The following RPS20 variants were observed in gnomAD, a reference collection of about 807,000 sequenced individuals.
RPS20 encodes the protein ribosomal protein S20, also known as small ribosomal subunit protein uS10.
A neutral mutation model predicts 15.3 loss-of-function variants in RPS20; 3 were observed. That is an observed-to-expected ratio of 0.20 (90% CI 0.09 to 0.51). The LOEUF (loss-of-function observed/expected upper bound fraction) is 0.51, where lower values mean the gene tolerates loss of function less well. Among genes scored for constraint, RPS20 ranks in the 20% least tolerant of loss-of-function variants. The pLI, the probability that RPS20 is intolerant of heterozygous loss-of-function variation, is 0.96. For missense variants in RPS20, 67 were observed against 145.9 expected (o/e 0.46, Z 2.79); for synonymous variants, 62 against 47.8 (o/e 1.30, Z -1.23).
chr8:56,069,542 G>A (rs993144303), downstream of RPS20, among the ~76,000 whole-genome samples: 13 of 152,068 alleles, frequency 8.5e-5, no homozygotes, highest in Non-Finnish European at 1.5e-4. Flanking sequence ...CAGGTGATCC[G>A]CCCACCTTGG....
At chr8:56,067,859 G>A (rs1809653375) in exon 6 of RPS20, 1 of 152,250 alleles carries the variant, frequency 6.6e-6, no homozygotes, top group South Asian at 2.1e-4. Context: ...GGTTGCCAAT[G>A]GTTCAGGGTG....
chr8:56,072,689 T>A, downstream of RPS20: 1 of 167,498 alleles, frequency 6.0e-6, no homozygotes, highest in Non-Finnish European at 1.1e-5. Flanking sequence ...AATCCTTTTT[T>A]AAGGACGTTA....
downstream of RPS20, chr8:56,069,575 A>T: frequency 1.5e-6 from 1 of 679,738 alleles, no homozygotes; most frequent in Non-Finnish European, 2.6e-6. Context: ...CTGAGATTAC[A>T]GGTGTGAGCC....
At position 56,074,249 on chromosome 8, in the gene RPS20, C is replaced by T. The variant is rs73592343; in HGVS notation, c.4-90G>A. 9,056 of 1,525,096 alleles carry T rather than the reference C, an allele frequency of 5.9e-3. 249 individuals are homozygous for T. The African/African-American group carries it at 0.071, about 12-fold the overall frequency. The allele number at this position is 1,525,096 out of a possible 1,614,324, so 94.5% of individuals were successfully genotyped here. A position where few individuals can be genotyped will look rare whatever the true frequency, so the allele number is the denominator to read the frequency against. On this transcript the variant is annotated intron_variant, in intron 1 of 3. Transcript: ENST00000009589. The stretch of plus-strand genomic sequence containing the variant: ...AGCTTCCGGAAGCTTCCCGCGTTTC[C>T]CCACCATTTCAGGAGCGCCTTTCCG...
At chr8:56,070,590 G>A (rs1809724629), downstream of RPS20, among the ~76,000 whole-genome samples, 1 of 152,084 alleles carries the variant, frequency 6.6e-6, no homozygotes, top group South Asian at 2.1e-4. Flanking sequence ...GCCAGGCCAA[G>A]CGTCAAGGTG....
intron 1 of RPS20, 94 bp from the exon 2 acceptor site, chr8:56,074,253 C>T (rs1585724852): frequency 1.3e-6 from 2 of 1,526,980 alleles, no homozygotes; most frequent in Admixed American, 3.4e-5. Flanking sequence ...CGTTTCCCCA[C>T]CATTTCAGGA....
rs1809875490 is a variant in RPS20, at chr8:56,074,445, C to T, written c.-62G>A. On this transcript the variant is annotated 5_prime_UTR_variant, in exon 1 of 4. Transcript: ENST00000009589. ...TCGGCGAGAGCGAACAGCGGTGAGTCAGGAGCAGGAGCGTGCGGACCAAAA... is the reference window on the plus strand; with the variant it reads ...TCGGCGAGAGCGAACAGCGGTGAGTTAGGAGCAGGAGCGTGCGGACCAAAA... 3.9e-6 allele frequency: 6 copies of T among 1,530,532 alleles called. No homozygotes were observed. The highest frequency in any genetic ancestry group is 2.0e-5 in the Admixed American group (1 of 50,354). The allele number at this position is 1,530,532 out of a possible 1,614,324, so 94.8% of individuals were successfully genotyped here. A position where few individuals can be genotyped will look rare whatever the true frequency, so the allele number is the denominator to read the frequency against.
At chr8:56,073,619 C>T in intron 3 of RPS20, 76 bp downstream of exon 3, 7 of 1,259,802 alleles carry the variant, frequency 5.6e-6, no homozygotes, top group Middle Eastern at 2.6e-4. Flanking sequence ...TTTTGGCAGC[C>T]GAACTCCTTA....
At chr8:56,072,775 G>C (rs947175494), downstream of RPS20, 1 of 668,630 alleles carries the variant, frequency 1.5e-6, no homozygotes, top group African/African-American at 2.0e-5. Context: ...CTCAACCATG[G>C]GTGTGCATTA....
Position 56,074,178 on chromosome 8 carries a change from A to C in RPS20, c.4-19T>G. On this transcript the variant is annotated intron_variant, in intron 1 of 3. Coordinates refer to ENST00000009589, the MANE Select transcript of RPS20 (RefSeq NM_001023.4). ...TAAAAGCCTATTATTAGATACATGAAAAAGAACAATAAGCCAAAAATGGTC... is the reference window on the plus strand; with the variant it reads ...TAAAAGCCTATTATTAGATACATGACAAAGAACAATAAGCCAAAAATGGTC... 6.3e-7 allele frequency: 1 copy of C among 1,599,998 alleles called. No individual in the cohort carries two copies. Among genetic ancestry groups the C allele is most frequent in the Non-Finnish European group, 8.5e-7 (1 of 1,172,956 alleles).
chr8:56,070,852 T>C (rs778380674), downstream of RPS20, among the ~76,000 whole-genome samples: 4 of 152,160 alleles, frequency 2.6e-5, no homozygotes, highest in South Asian at 2.1e-4. Context: ...CAAATCCAAA[T>C]AGAGTAAGCA....
At chr8:56,069,706 C>T, downstream of RPS20, 1 of 1,548,044 alleles carries the variant, frequency 6.5e-7, no homozygotes, top group Non-Finnish European at 8.7e-7. Context: ...CTTATACCTG[C>T]TTGGTCACTT....
downstream of RPS20, chr8:56,072,802 C>A: frequency 6.7e-6 from 7 of 1,039,646 alleles, no homozygotes; most frequent in Non-Finnish European, 8.2e-6. Context: ...CCCCAGAAAC[C>A]TTAACACCCC....
chr8:56,073,672 C>A, intron 3 of RPS20, 23 bp downstream of exon 3: 1 of 1,603,494 alleles, frequency 6.2e-7, no homozygotes, highest in East Asian at 2.2e-5. Context: ...ACTCCTACTT[C>A]CTGCCCCTCC....
chr8:56,074,204 T>G, intron 1 of RPS20, 45 bp from the exon 2 acceptor site: 1 of 1,563,918 alleles, frequency 6.4e-7, no homozygotes, highest in Non-Finnish European at 8.7e-7. Context: ...AAAAATGGTC[T>G]GCCACTTCTG....
At chr8:56,069,828 G>C (rs754829246), downstream of RPS20, 5 of 1,471,736 alleles carry the variant, frequency 3.4e-6, 1 homozygote, top group East Asian at 2.5e-5. Context: ...CTGTAGATTC[G>C]ATCAACTGTA....
chr8:56,070,307 G>A (rs185724351), downstream of RPS20, among the ~76,000 whole-genome samples: 92 of 152,182 alleles, frequency 6.0e-4, no homozygotes, highest in African/African-American at 2.1e-3. Context: ...TAACTTGATC[G>A]TCTCCATAAC....
chr8:56,074,039 C>T, intron 2 of RPS20, 21 bp downstream of exon 2: 2 of 1,587,118 alleles, frequency 1.3e-6, no homozygotes, highest in Non-Finnish European at 1.7e-6. Context: ...CCCCTCCCCC[C>T]CGCATAACGA....
chr8:56,074,304 G>T, intron 1 of RPS20, 77 bp downstream of exon 1: 1 of 1,545,136 alleles, frequency 6.5e-7, no homozygotes, highest in South Asian at 1.1e-5. Context: ...CTGCCCTCAG[G>T]AGCACGAACT....
Sources: allele counts gnomAD v4.1 joint callset (sites outside exome capture counted in the v4.1 genomes callset), GRCh38; gene constraint gnomAD v4.1.1; transcripts MANE v1.5; gene names NCBI Gene and HGNC (gene_info 2026-07-23, HGNC 2026-07-21).